Variants in SAMD4A observed in about 807,000 individuals in gnomAD.
SAMD4A encodes the protein protein Smaug homolog 1.
Under a neutral mutation model 81.3 loss-of-function variants are expected in SAMD4A, and 33 were observed. The observed-to-expected ratio is 0.41, with a 90% CI of 0.31 to 0.54. SAMD4A has a LOEUF of 0.54. Among genes scored for constraint, SAMD4A ranks in the 20% least tolerant of loss-of-function variants. The pLI is 0.37. For missense variants in SAMD4A, 854 were observed against 951.1 expected (o/e 0.90, Z 1.34); for synonymous variants, 389 against 382.1 (o/e 1.02, Z -0.21).
intron 2 of SAMD4A, among the ~76,000 whole-genome samples, chr14:54,653,155 A>G (rs2035442892): frequency 6.6e-6 from 1 of 151,414 alleles, no homozygotes; most frequent in Non-Finnish European, 1.5e-5. Context: ...GCTGTCAGCC[A>G]TGTATTTCTG....
chr14:54,595,639 A>G (rs2033892341), intron 2 of SAMD4A, among the ~76,000 whole-genome samples: 1 of 152,076 alleles, frequency 6.6e-6, no homozygotes, highest in African/African-American at 2.4e-5. Context: ...AGATATTTAG[A>G]TACTTGGATT....
At chr14:54,747,679 T>C (rs2140964452) in intron 4 of SAMD4A, among the ~76,000 whole-genome samples, 1 of 152,374 alleles carries the variant, frequency 6.6e-6, no homozygotes, top group East Asian at 1.9e-4. Context: ...TTTCAGCCAC[T>C]GATAGGCTGT....
chr14:54,760,892 GT>G (rs1264619516), intron 7 of SAMD4A, among the ~76,000 whole-genome samples: 1 of 152,226 alleles, frequency 6.6e-6, no homozygotes, highest in Non-Finnish European at 1.5e-5. Flanking sequence ...CAGAAAATGA[GT>G]GACAAACTGA....
intron 2 of SAMD4A, among the ~76,000 whole-genome samples, chr14:54,641,140 C>G (rs765591229): frequency 5.1e-4 from 78 of 152,320 alleles, no homozygotes; most frequent in Non-Finnish European, 9.3e-4. Context: ...ACTCTCTAGG[C>G]TTTAACTTGT....
Position 54,770,243 on chromosome 14 carries a change from T to C in SAMD4A, c.1715+21T>C, listed in dbSNP as rs371896602. On this transcript the variant is annotated intron_variant, in intron 9 of 12. Transcript: ENST00000554335. ...AGAAAGTATGTTGGGATTTCATTCT[T>C]TGTAATGCGTAGTGGTTCCCCTGGC... 4 of 1,525,482 alleles carry C rather than the reference T, an allele frequency of 2.6e-6. No individual in the cohort carries two copies. In the African/African-American group the frequency reaches 5.5e-5, roughly 21 times the overall value. 94.5% of individuals were successfully genotyped at this position (1,525,482 alleles called of 1,614,324 possible).
intron 2 of SAMD4A, among the ~76,000 whole-genome samples, chr14:54,671,047 A>G (rs1405959955): frequency 6.6e-6 from 1 of 152,144 alleles, no homozygotes; most frequent in Non-Finnish European, 1.5e-5. Flanking sequence ...CCCAAGTTGA[A>G]TCAGACATGG....
intron 2 of SAMD4A, among the ~76,000 whole-genome samples, chr14:54,603,026 G>A (rs1170722435): frequency 6.6e-6 from 1 of 152,184 alleles, no homozygotes; most frequent in Non-Finnish European, 1.5e-5. Flanking sequence ...AGAGTTTGAG[G>A]AACACTGGTG....
chr14:54,612,337 T>C (rs763387954), intron 2 of SAMD4A, among the ~76,000 whole-genome samples: 1 of 152,230 alleles, frequency 6.6e-6, no homozygotes, highest in Non-Finnish European at 1.5e-5. Context: ...CACTTGAATA[T>C]GATAGACTAA....
At chr14:54,608,015 CA>C (rs765121682) in intron 2 of SAMD4A, among the ~76,000 whole-genome samples, 2,332 of 60,664 alleles carry the variant, frequency 0.038, 42 homozygotes, top group Middle Eastern at 0.11. Flanking sequence ...GACTCCGTCT[CA>C]AAAAAAAAAA....
Position 54,760,401 on chromosome 14 carries a change from C to A in SAMD4A, c.1417C>A (p.Pro473Thr). Residue 473 changes from proline (P) to threonine (T), a missense_variant, in exon 7 of 13, where the codon CCG becomes ACG. Physicochemically the swap from Pro to Thr is conservative, Grantham distance 38. This residue lies in a region of SAMD4A where 428 missense variants were observed against 471.2 expected (regional missense o/e 0.91). Coordinates refer to ENST00000554335, the MANE Select transcript of SAMD4A (RefSeq NM_015589.6). ...PSAGASGGLQPHQLSSCDGEL... is the reference protein window; with the variant it reads ...PSAGASGGLQTHQLSSCDGEL... ...GGCCGGGGCCAGCGGGGGGCTCCAG[C>A]CGCACCAGCTGAGCAGCTGCGATGG... The A allele has an allele frequency of 6.7e-7, 1 of 1,486,590 alleles. No homozygotes were observed. Among genetic ancestry groups the A allele is most frequent in the Non-Finnish European group, 8.8e-7 (1 of 1,130,508 alleles). The allele number at this position is 1,486,590 out of a possible 1,614,324, so 92.1% of individuals were successfully genotyped here.
chr14:54,643,789 C>A (rs969400628), intron 2 of SAMD4A, among the ~76,000 whole-genome samples: 3 of 152,186 alleles, frequency 2.0e-5, no homozygotes, highest in African/African-American at 7.2e-5. Flanking sequence ...TTCTCCCTGA[C>A]TGAAGAGAAT....
At chr14:54,758,066 T>C (rs2038292925) in intron 6 of SAMD4A, among the ~76,000 whole-genome samples, 2 of 152,176 alleles carry the variant, frequency 1.3e-5, no homozygotes, top group African/African-American at 4.8e-5. Context: ...ACATCTGTCA[T>C]GTGTAGAAGG....
rs146324552 is a variant in SAMD4A, at chr14:54,770,167, C to T, written c.1660C>T (p.Arg554Trp). The change falls in exon 9 of 13, where the codon CGG (arginine) becomes TGG (tryptophan). Residue 554 changes from arginine to tryptophan, a missense_variant. Arg to Trp is a moderately radical substitution (Grantham distance 101). This residue lies in a region of SAMD4A where 428 missense variants were observed against 471.2 expected (regional missense o/e 0.91). Transcript: ENST00000554335. ...GAAACAGCAGGTGCAGAAGCTCTTT[C>T]GGTCTTTCCCTCGGAAAACCCTTCT... Reference protein sequence around the residue: ...SWKQQVQKLFRSFPRKTLLDI... With the variant: ...SWKQQVQKLFWSFPRKTLLDI... 73 of 1,613,922 alleles carry T rather than the reference C, an allele frequency of 4.5e-5. No individual in the cohort carries two copies. Among genetic ancestry groups the T allele is most frequent in the African/African-American group, 2.3e-4 (17 of 74,948 alleles).
chr14:54,727,235 C>T (rs1318111425), intron 3 of SAMD4A, among the ~76,000 whole-genome samples: 1 of 116,266 alleles, frequency 8.6e-6, no homozygotes, highest in East Asian at 3.0e-4. Context: ...TGTTGCACAG[C>T]CTGGAGTGCA....
At chr14:54,663,244 G>C (rs180936113) in intron 2 of SAMD4A, among the ~76,000 whole-genome samples, 16 of 152,272 alleles carry the variant, frequency 1.1e-4, no homozygotes, top group African/African-American at 3.9e-4. Context: ...TTTCAAGGTG[G>C]AATTAGCTAA....
chr14:54,660,182 C>T (rs1291880530), intron 2 of SAMD4A, among the ~76,000 whole-genome samples: 1 of 152,114 alleles, frequency 6.6e-6, no homozygotes, highest in East Asian at 1.9e-4. Context: ...AGTCTTCTTT[C>T]TACGGTGCTG....
At chr14:54,613,291 T>A (rs896169677) in intron 2 of SAMD4A, among the ~76,000 whole-genome samples, 13 of 152,106 alleles carry the variant, frequency 8.5e-5, no homozygotes, top group Non-Finnish European at 1.8e-4. Context: ...ATCAGAAGGC[T>A]TGGTGCAGGG....
At chr14:54,768,455 G>T (rs142361747) in intron 8 of SAMD4A, among the ~76,000 whole-genome samples, 48 of 152,250 alleles carry the variant, frequency 3.2e-4, no homozygotes, top group African/African-American at 1.0e-3. Context: ...ATGCGTAAAG[G>T]CGTGCAGGGA....
chr14:54,668,201 T>G (rs2035796067), intron 2 of SAMD4A, among the ~76,000 whole-genome samples: 3 of 152,210 alleles, frequency 2.0e-5, no homozygotes, highest in South Asian at 4.1e-4. Context: ...ATACAACTTG[T>G]GCCTTTGCAC....
Sources: allele counts gnomAD v4.1 joint callset (sites outside exome capture counted in the v4.1 genomes callset), GRCh38; gene constraint gnomAD v4.1.1; regional missense constraint gnomAD v4.1.1; transcripts MANE v1.5; gene names NCBI Gene and HGNC (gene_info 2026-07-23, HGNC 2026-07-21).